MND1: variants seen among roughly 807,000 people sequenced by gnomAD.
The protein encoded by MND1 is meiotic nuclear divisions 1.
MND1 carries 28 observed loss-of-function variants against 35.1 expected under a neutral mutation model. The ratio of observed to expected loss-of-function variants is 0.80; its 90% confidence interval spans 0.59 to 1.09. MND1 has a LOEUF of 1.09. Ranked by LOEUF, MND1 falls within the 50% of genes least tolerant of loss-of-function variation. The pLI, the probability that MND1 is intolerant of heterozygous loss-of-function variation, is 0.00. For synonymous variants in MND1, 69 were observed against 70.5 expected, an observed-to-expected ratio of 0.98 and a Z score of 0.11; for missense variants, 213 against 239.6, an observed-to-expected ratio of 0.89 and a Z score of 0.73.
intron 6 of MND1, among the ~76,000 whole-genome samples, chr4:153,398,284 C>T (rs1729254097): frequency 6.6e-6 from 1 of 152,040 alleles, no homozygotes; most frequent in Non-Finnish European, 1.5e-5. Context: ...CTTAGCCTGT[C>T]TTTTATTTAG....
At chr4:153,411,488 A>C (rs1203081881) in intron 7 of MND1, among the ~76,000 whole-genome samples, 2 of 152,236 alleles carry the variant, frequency 1.3e-5, no homozygotes, top group Non-Finnish European at 2.9e-5. Flanking sequence ...GCCGACATCC[A>C]GTGGCTCAAA....
intron 4 of MND1, among the ~76,000 whole-genome samples, chr4:153,386,342 A>AG (rs1252760143): frequency 6.6e-6 from 1 of 151,528 alleles, no homozygotes; most frequent in African/African-American, 2.4e-5. Context: ...AAAAAAAAAA[A>AG]TTTAATTAGC....
At chr4:153,400,062 C>T (rs578188615) in intron 6 of MND1, among the ~76,000 whole-genome samples, 1 of 151,736 alleles carries the variant, frequency 6.6e-6, no homozygotes, top group African/African-American at 2.4e-5. Flanking sequence ...TCACTACACC[C>T]AGCTAGTTTA....
At chr4:153,392,251 G>A (rs900460546) in intron 4 of MND1, among the ~76,000 whole-genome samples, 2 of 151,734 alleles carry the variant, frequency 1.3e-5, no homozygotes, top group African/African-American at 4.8e-5. Flanking sequence ...ACAAGCGCAC[G>A]CCACCACACC....
chr4:153,348,592 C>T (rs1773131576), intron 1 of MND1, among the ~76,000 whole-genome samples: 1 of 152,088 alleles, frequency 6.6e-6, no homozygotes, highest in South Asian at 2.1e-4. Context: ...TTTATTTACC[C>T]ATATTACTCA....
intron 4 of MND1, among the ~76,000 whole-genome samples, chr4:153,364,260 G>T (rs1451811333): frequency 6.6e-6 from 1 of 151,250 alleles, no homozygotes; most frequent in Non-Finnish European, 1.5e-5. Flanking sequence ...GTGCATCTGT[G>T]GTCTCAGCTA....
At chr4:153,404,386 T>C (rs1419983962) in intron 6 of MND1, among the ~76,000 whole-genome samples, 1 of 148,494 alleles carries the variant, frequency 6.7e-6, no homozygotes, top group East Asian at 2.0e-4. Context: ...AGAGATGAGG[T>C]TTCACCATGT....
chr4:153,370,526 G>C (rs1039676020), intron 4 of MND1, among the ~76,000 whole-genome samples: 1 of 151,774 alleles, frequency 6.6e-6, no homozygotes, highest in African/African-American at 2.4e-5. Context: ...GTTCTGTTTT[G>C]TTTTGTTTTT....
At chr4:153,404,621 C>T (rs1440465933) in intron 6 of MND1, among the ~76,000 whole-genome samples, 1 of 151,862 alleles carries the variant, frequency 6.6e-6, no homozygotes, top group East Asian at 1.9e-4. Flanking sequence ...ATTACAGGTG[C>T]TCACCACCAC....
chr4:153,381,176 G>T (rs1431212122), intron 4 of MND1, among the ~76,000 whole-genome samples: 1 of 152,134 alleles, frequency 6.6e-6, no homozygotes, highest in Admixed American at 6.5e-5. Context: ...TGGGATTACA[G>T]GTATCAGCCA....
At chr4:153,385,676 A>G (rs1353208496) in intron 4 of MND1, among the ~76,000 whole-genome samples, 2 of 145,890 alleles carry the variant, frequency 1.4e-5, no homozygotes, top group Admixed American at 7.2e-5. Context: ...CAATCATGCC[A>G]CCGCACTCTA....
At chr4:153,409,093 G>T in intron 7 of MND1, 78 bp downstream of exon 7, 1 of 818,494 alleles carries the variant, frequency 1.2e-6, no homozygotes, top group Non-Finnish European at 1.7e-6. Flanking sequence ...CAGATACCTT[G>T]TGCTAGCTTT....
intron 2 of MND1, among the ~76,000 whole-genome samples, chr4:153,350,965 A>AAAAC (rs1287751778): frequency 6.6e-6 from 1 of 151,558 alleles, no homozygotes; most frequent in Non-Finnish European, 1.5e-5. Context: ...AAAAAAAAAA[A>AAAAC]AAAACAAACA....
At chr4:153,409,389 T>C (rs925493573) in intron 7 of MND1, among the ~76,000 whole-genome samples, 2 of 151,498 alleles carry the variant, frequency 1.3e-5, no homozygotes, top group Non-Finnish European at 2.9e-5. Flanking sequence ...ATAATAATAA[T>C]AGCTAAGGTT....
rs552065294 is a variant in MND1, at chr4:153,344,690, C to G, written c.-48C>G. On this transcript the variant is annotated 5_prime_UTR_variant, in exon 1 of 8. Coordinates refer to ENST00000240488, the MANE Select transcript of MND1 (RefSeq NM_032117.4). Reference sequence around the variant, plus strand: ...AAACGCGTCCTGGCCTGTCCCGCCCCTCTCCCCAAGCGCGGGCCCGGCCAG... The same window carrying G: ...AAACGCGTCCTGGCCTGTCCCGCCCGTCTCCCCAAGCGCGGGCCCGGCCAG... 1.9e-6 allele frequency: 3 copies of G among 1,550,654 alleles called. No homozygotes were observed. Among genetic ancestry groups the G allele is most frequent in the Admixed American group, 1.8e-5 (1 of 55,288 alleles).
At chr4:153,361,221 T>G (rs1773482689) in intron 4 of MND1, among the ~76,000 whole-genome samples, 1 of 152,226 alleles carries the variant, frequency 6.6e-6, no homozygotes, top group Non-Finnish European at 1.5e-5. Context: ...CAGCCAGAGT[T>G]TAAGAGTGGT....
intron 6 of MND1, among the ~76,000 whole-genome samples, chr4:153,403,270 T>C (rs1285522884): frequency 6.6e-6 from 1 of 152,002 alleles, no homozygotes; most frequent in Non-Finnish European, 1.5e-5. Flanking sequence ...TCCCCACATC[T>C]AGCTGACCTT....
At chr4:153,401,831 C>T (rs1466446192) in intron 6 of MND1, among the ~76,000 whole-genome samples, 1 of 152,172 alleles carries the variant, frequency 6.6e-6, no homozygotes, top group Non-Finnish European at 1.5e-5. Flanking sequence ...TTCTCACTAA[C>T]ACCCATGAGA....
chr4:153,361,101 A>C (rs975322347), intron 4 of MND1, among the ~76,000 whole-genome samples: 1 of 152,154 alleles, frequency 6.6e-6, no homozygotes, highest in Non-Finnish European at 1.5e-5. Context: ...AGCTTCCCAA[A>C]GTGCTGGTGG....
Sources: allele counts gnomAD v4.1 joint callset (sites outside exome capture counted in the v4.1 genomes callset), GRCh38; gene constraint gnomAD v4.1.1; transcripts MANE v1.5; gene names NCBI Gene and HGNC (gene_info 2026-07-23, HGNC 2026-07-21).